PCNT: variants seen among roughly 807,000 people sequenced by gnomAD.
The protein encoded by PCNT is kendrin.
Under a neutral mutation model 380.4 loss-of-function variants are expected in PCNT, and 319 were observed. That is an observed-to-expected ratio of 0.84 (90% CI 0.77 to 0.92). The LOEUF (loss-of-function observed/expected upper bound fraction) is 0.92, where lower values mean the gene tolerates loss of function less well. Among genes scored for constraint, PCNT ranks in the 40% least tolerant of loss-of-function variants. PCNT has a pLI of 0.00. For missense variants in PCNT, 4,400 were observed against 4,255.3 expected (o/e 1.03, Z -0.95); for synonymous variants, 1,845 against 1,735.2 (o/e 1.06, Z -1.57).
intron 3 of PCNT, among the ~76,000 whole-genome samples, chr21:46,345,635 C>G (rs1023208380): frequency 6.6e-6 from 1 of 152,190 alleles, no homozygotes; most frequent in Non-Finnish European, 1.5e-5. Context: ...GTACAGACCT[C>G]AGTGGCACTT....
chr21:46,370,622 A>G (rs1249536647), intron 15 of PCNT, among the ~76,000 whole-genome samples: 1 of 152,130 alleles, frequency 6.6e-6, no homozygotes, highest in Non-Finnish European at 1.5e-5. Flanking sequence ...AAATCTGCAC[A>G]CGGGCTGGGC....
At chr21:46,424,780 C>A (rs2087425003) in intron 32 of PCNT, among the ~76,000 whole-genome samples, 1 of 150,066 alleles carries the variant, frequency 6.7e-6, no homozygotes, top group South Asian at 2.1e-4. Context: ...CCCCGCACCA[C>A]CCCGCTCCCC....
intron 15 of PCNT, among the ~76,000 whole-genome samples, chr21:46,377,957 C>T (rs2085384274): frequency 6.6e-6 from 1 of 152,142 alleles, no homozygotes; most frequent in South Asian, 2.1e-4. Context: ...GTCCTACGTA[C>T]ATAGACTCAG....
rs190471795 is a variant in PCNT at position 46,402,767 on chromosome 21, C to A, written c.5115+284C>A. ...GGAGAGGCACTTCCCTAGGGCAGCACCCCAGGGCTGTGAGAGGCGTGAAGC... is the reference window on the plus strand; with the variant it reads ...GGAGAGGCACTTCCCTAGGGCAGCAACCCAGGGCTGTGAGAGGCGTGAAGC... On this transcript the variant is annotated intron_variant, in intron 27 of 46. Transcript: ENST00000359568. Among the ~76,000 whole-genome samples the A allele has an allele frequency of 7.3e-4, 111 of 152,244 alleles. 1 individual carries two copies. Among genetic ancestry groups the A allele is most frequent in the Non-Finnish European group, 5.9e-5 (4 of 68,012 alleles).
chr21:46,442,451 C>T (rs374268029), intron 43 of PCNT, 46 bp from the exon 44 acceptor site: 5 of 1,220,932 alleles, frequency 4.1e-6, no homozygotes, highest in African/African-American at 3.0e-5. Flanking sequence ...CTTTCCCTTC[C>T]TGTCTTGCCG....
At chr21:46,440,313 C>T in intron 42 of PCNT, 111 bp downstream of exon 42, 7 of 1,123,582 alleles carry the variant, frequency 6.2e-6, no homozygotes, top group Non-Finnish European at 9.4e-6. Context: ...CCGGGTGTAG[C>T]AGTCACATCA....
chr21:46,413,801 G>A (rs1360211377), intron 29 of PCNT, among the ~76,000 whole-genome samples: 4 of 152,048 alleles, frequency 2.6e-5, no homozygotes, highest in Admixed American at 6.6e-5. Context: ...TCTTTTCCCC[G>A]GGGAAGGAGG....
chr21:46,385,748 C>G lies in PCNT; in HGVS notation c.3313-84C>G, dbSNP rs2073378. The G allele has an allele frequency of 0.22, 321,605 of 1,439,732 alleles. 41,250 individuals carry two copies. The highest frequency in any genetic ancestry group is 0.54 in the African/African-American group (38,894 of 71,500). The allele number at this position is 1,439,732 out of a possible 1,614,324, so 89.2% of individuals were successfully genotyped here. ...GTCCTAAGTCAGAGACTCTCAAATA[C>G]TGAAATTGTGTTGAAAGTCCCTTAC... On this transcript the variant is annotated intron_variant, in intron 16 of 46. Coordinates refer to ENST00000359568, the MANE Select transcript of PCNT (RefSeq NM_006031.6).
At chr21:46,380,173 T>TG (rs2085475697) in intron 15 of PCNT, among the ~76,000 whole-genome samples, 4 of 65,460 alleles carry the variant, frequency 6.1e-5, no homozygotes, top group Middle Eastern at 0.021. Context: ...TTTTTTTTTT[T>TG]TTTTTTTTTT....
intron 3 of PCNT, among the ~76,000 whole-genome samples, chr21:46,341,557 G>A (rs2083910006): frequency 6.6e-6 from 1 of 151,834 alleles, no homozygotes; most frequent in African/African-American, 2.4e-5. Context: ...TGTAGAGATG[G>A]GATCTCACTA....
At chr21:46,434,551 C>T (rs932307329) in intron 38 of PCNT, among the ~76,000 whole-genome samples, 5 of 152,250 alleles carry the variant, frequency 3.3e-5, no homozygotes, top group South Asian at 2.1e-4. Flanking sequence ...TCAGAGGCTG[C>T]TTCGTCCTTC....
Position 46,430,136 on chromosome 21 carries a change from T to C in PCNT, c.7817T>C (p.Val2606Ala), listed in dbSNP as rs2087688028. The change falls in exon 36 of 47, where the codon GTG becomes GCG. Residue 2606 changes from valine (V) to alanine (A), a missense_variant. Val to Ala is a moderately conservative substitution (Grantham distance 64, BLOSUM62 0). Coordinates refer to ENST00000359568, the MANE Select transcript of PCNT (RefSeq NM_006031.6). ...QKLLAAEQTV[V>A]RDLKSDLCES... ...CTCCTGGCGGCGGAGCAGACTGTAG[T>C]GCGAGATTTGAAGTCCGACCTCTGT... 3.1e-6 allele frequency: 5 copies of C among 1,614,022 alleles called. No individual in the cohort carries two copies. The African/African-American group carries it at 6.7e-5, about 22-fold the overall frequency.
At chr21:46,359,246 CCTGGCT>C (rs1225776608) in intron 13 of PCNT, among the ~76,000 whole-genome samples, 19 of 146,004 alleles carry the variant, frequency 1.3e-4, no homozygotes, top group Admixed American at 2.7e-4. Flanking sequence ...AGCCACCGAA[CCTGGCT>C]CCAGGTGACT....
intron 19 of PCNT, among the ~76,000 whole-genome samples, chr21:46,390,001 C>T (rs1448923704): frequency 6.6e-6 from 1 of 152,208 alleles, no homozygotes; most frequent in Non-Finnish European, 1.5e-5. Context: ...AATTAGCAGC[C>T]ACATGTGTGA....
intron 35 of PCNT, among the ~76,000 whole-genome samples, chr21:46,429,145 G>GAA (rs2087633878): frequency 6.6e-6 from 1 of 152,180 alleles, no homozygotes; most frequent in Non-Finnish European, 1.5e-5. Flanking sequence ...CCGTCAAGGG[G>GAA]AACGGCCTTG....
In PCNT at chr21:46,367,056, C is replaced by T; in HGVS notation, c.3082C>T (p.Gln1028Ter). The change falls in exon 15 of 47, where the codon CAG becomes TAG. Residue 1028 changes from glutamine to a stop codon, truncating the protein, a stop_gained. Transcript: ENST00000359568. LOFTEE classifies it high-confidence loss of function. Reference sequence around the variant, plus strand: ...GAAGCGGAAACACGAAGGGGAGCTACAGTCTGTGCGGGACCACCTGCGAAC... The same window carrying T: ...GAAGCGGAAACACGAAGGGGAGCTATAGTCTGTGCGGGACCACCTGCGAAC... ...KLKRKHEGEL[Q>*]SVRDHLRTEV... The T allele has an allele frequency of 6.2e-7, 1 of 1,614,006 alleles. No homozygotes were observed. The highest frequency in any genetic ancestry group is 8.5e-7 in the Non-Finnish European group (1 of 1,180,006).
In PCNT at chr21:46,411,612, G is replaced by A; in HGVS notation, c.5539G>A (p.Ala1847Thr). The A allele has an allele frequency of 5.6e-6, 9 of 1,613,068 alleles. No homozygotes were observed. Among genetic ancestry groups the A allele is most frequent in the Non-Finnish European group, 7.6e-6 (9 of 1,179,850 alleles). ...GGAGCGCAATGTAGCCCTCAGGGAG[G>A]CTGAGGTCGAAGACATGGCCTCCCG... ...ELERNVALRE[A>T]EVEDMASRIQ... is the part of the protein sequence containing the mutation. Residue 1847 changes from alanine (A) to threonine (T), a missense_variant, in exon 28 of 47, where the codon GCT becomes ACT. Ala to Thr is a moderately conservative substitution (Grantham distance 58, BLOSUM62 0). Transcript: ENST00000359568.
intron 15 of PCNT, among the ~76,000 whole-genome samples, chr21:46,377,157 C>T (rs1427324205): frequency 6.6e-6 from 1 of 152,180 alleles, no homozygotes; most frequent in Non-Finnish European, 1.5e-5. Context: ...ACTGTTGCCC[C>T]AGTTACTTCA....
At chr21:46,434,476 C>T (rs779355764) in intron 38 of PCNT, among the ~76,000 whole-genome samples, 1 of 152,240 alleles carries the variant, frequency 6.6e-6, no homozygotes, top group Non-Finnish European at 1.5e-5. Context: ...GGCCTCTTCC[C>T]GCTGGATCTG....
Sources: gnomAD v4.1 joint callset for allele counts (sites outside exome capture counted in the v4.1 genomes callset) on GRCh38, gnomAD v4.1.1 for gene constraint, MANE v1.5 for transcripts, NCBI Gene and HGNC (gene_info 2026-07-23, HGNC 2026-07-21) for gene names.